The following MED16 variants were observed in gnomAD, a reference collection of about 807,000 sequenced individuals.
The protein encoded by MED16 is mediator complex subunit 16.
In MED16, 81 loss-of-function variants were observed where a neutral mutation model predicts 84.4. That is an observed-to-expected ratio of 0.96 (90% CI 0.80 to 1.15). MED16 has a LOEUF of 1.15. Among genes scored for constraint, MED16 ranks in the 50% most tolerant of loss-of-function variants. The probability of loss-of-function intolerance (pLI) is 0.00; values close to 1 mark genes in which losing one functional copy is unlikely to be tolerated. For missense variants in MED16, 1,585 were observed against 1,245.9 expected (o/e 1.27, Z -4.10); for synonymous variants, 897 against 552.2 (o/e 1.62, Z -8.76).
chr19:873,769 GC>G (rs151113242), intron 10 of MED16, among the ~76,000 whole-genome samples, 187 bp from the exon 11 acceptor site: 52 of 150,508 alleles, frequency 3.5e-4, no homozygotes, highest in African/African-American at 8.3e-4. Context: ...CCCACTGCCT[GC>G]CCCCCCCCGG....
In MED16 at chr19:868,763, A is replaced by G; in HGVS notation, c.2399+100T>C. On this transcript the variant is annotated intron_variant, in intron 14 of 15. Transcript: ENST00000325464. ...ACTCCCTCTGGGACGTGCTCCCTCC[A>G]CCACCCTTGACCGTCTGGAGCGCTG... The G allele has an allele frequency of 8.4e-6, 11 of 1,307,980 alleles. 1 individual carries two copies. In the Admixed American group the frequency reaches 1.2e-4, roughly 14 times the overall value. The allele number at this position is 1,307,980 out of a possible 1,614,324, so 81.0% of individuals were successfully genotyped here.
At chr19:889,150 G>A (rs1225591964) in intron 4 of MED16, among the ~76,000 whole-genome samples, 2 of 127,284 alleles carry the variant, frequency 1.6e-5, no homozygotes, top group Non-Finnish European at 3.2e-5. Context: ...ACTCTTAACT[G>A]TCCCCCCCAA....
At chr19:884,697 G>A (rs934809762) in intron 6 of MED16, among the ~76,000 whole-genome samples, 4 of 152,192 alleles carry the variant, frequency 2.6e-5, no homozygotes, top group African/African-American at 4.8e-5. Flanking sequence ...AAGGATGGAG[G>A]AGTCTATACG....
At chr19:888,497 C>G (rs1162243489) in intron 4 of MED16, among the ~76,000 whole-genome samples, 2 of 148,018 alleles carry the variant, frequency 1.4e-5, no homozygotes, top group Non-Finnish European at 3.0e-5. Context: ...GCACTCCAGC[C>G]TGGGGGATAG....
Position 873,001 on chromosome 19 carries a change from G to A in MED16, c.1905+448C>T, listed in dbSNP as rs191475289. The A allele has an allele frequency of 2.3e-3, 429 of 188,840 alleles. 21 individuals carry two copies. The highest frequency in any genetic ancestry group is 8.7e-3 in the Middle Eastern group (4 of 462). 11.7% of individuals were successfully genotyped at this position (188,840 alleles called of 1,614,324 possible). On this transcript the variant is annotated intron_variant, in intron 11 of 15. Transcript: ENST00000325464. ...CCGAGGTGGGGGAGGGCTCCGAGGT[G>A]GGGGAGGGCTCCGAGGTGGGGCAGG...
intron 9 of MED16, among the ~76,000 whole-genome samples, chr19:875,689 G>A (rs376148180): frequency 1.3e-5 from 2 of 152,192 alleles, no homozygotes; most frequent in African/African-American, 4.8e-5. Flanking sequence ...GGGGCCCCTG[G>A]TGATGTCTGG....
chr19:890,388 G>GGGAACAGGCTGTCCCCCCGCA, intron 2 of MED16, 144 bp from the exon 3 acceptor site: 1 of 584,266 alleles, frequency 1.7e-6, no homozygotes, highest in Non-Finnish European at 3.0e-6. Flanking sequence ...CGACAGCTCA[G>GGGAACAGGCTGTCCCCCCGCA]GGAACAGGCT....
chr19:875,573 G>C, intron 9 of MED16, 119 bp from the exon 10 acceptor site: 1 of 769,592 alleles, frequency 1.3e-6, no homozygotes, highest in Non-Finnish European at 2.1e-6. Context: ...TGGGCAAGCT[G>C]CTTCGCCTCT....
chr19:884,221 G>A (rs1353824451), intron 6 of MED16, among the ~76,000 whole-genome samples: 1 of 152,208 alleles, frequency 6.6e-6, no homozygotes, highest in East Asian at 1.9e-4. Context: ...CTAAAAACCA[G>A]GCCCGCAGCC....
chr19:890,630 G>GC (rs1285847474), intron 2 of MED16, among the ~76,000 whole-genome samples: 1 of 152,216 alleles, frequency 6.6e-6, no homozygotes, highest in Non-Finnish European at 1.5e-5. Context: ...GACGGGCACA[G>GC]CCACCACGCA....
At position 871,788 on chromosome 19, in the gene MED16, AGC is replaced by A. The variant is rs1452720373; in HGVS notation, c.2098+136_2098+137del. On this transcript the variant is annotated intron_variant, in intron 12 of 15. Coordinates refer to ENST00000325464, the MANE Select transcript of MED16 (RefSeq NM_005481.3). ...GGAGCGGGGAGAGGGGAGAGGGGAG[AGC>A]GGGGAGAAGGGAGAGCGGGGAGAGG... is the stretch of plus-strand genomic sequence containing the variant. 420 of 151,652 alleles carry A rather than the reference AGC, an allele frequency of 2.8e-3. 2 individuals are homozygous for A. The highest frequency in any genetic ancestry group is 8.1e-3 in the Middle Eastern group (4 of 496). The allele number at this position is 151,652 out of a possible 1,614,324, so 9.4% of individuals were successfully genotyped here. A position where few individuals can be genotyped will look rare whatever the true frequency, so the allele number is the denominator to read the frequency against.
At position 871,086 on chromosome 19, in the gene MED16, G is replaced by T; in HGVS notation, c.2266C>A (p.Pro756Thr). Residue 756 changes from proline (P) to threonine (T), a missense_variant, in exon 13 of 16, where the codon CCC becomes ACC. Transcript: ENST00000325464. The stretch of plus-strand genomic sequence containing the variant: ...GTGGCAGCACTGCCAGGCAGCGTGG[G>T]CGCCCGGCCAAACTGCAGACGAAGG... The part of the protein sequence containing the change: ...QPLRLQFGRA[P>T]TLPGSAATLQ... 1 of 1,547,880 alleles carries T rather than the reference G, an allele frequency of 6.5e-7. No homozygotes were observed.
In MED16 at chr19:872,632, G is replaced by A. The variant is rs557801498; in HGVS notation, c.1906-514C>T. ...GTGGGGCAGAAGAAATCACAGCTGG[G>A]GCAGGACAGAGTGTACCGGCGGGGG... is the stretch of plus-strand genomic sequence containing the variant. On this transcript the variant is annotated intron_variant, in intron 11 of 15. Coordinates refer to ENST00000325464, the MANE Select transcript of MED16 (RefSeq NM_005481.3). 5.3e-4 allele frequency among the ~76,000 whole-genome samples: 81 copies of A among 151,534 alleles called. 1 individual carries two copies. Among genetic ancestry groups the A allele is most frequent in the African/African-American group, 1.9e-3 (77 of 41,322 alleles).
At chr19:877,927 A>G (rs12985652) in intron 8 of MED16, among the ~76,000 whole-genome samples, 65 of 94,192 alleles carry the variant, frequency 6.9e-4, no homozygotes, top group African/African-American at 1.1e-3. Context: ...CCAGCAGCTC[A>G]CCTTCCCGTG....
chr19:884,919 C>T lies in MED16; in HGVS notation c.969G>A (p.Gln323=), dbSNP rs770257847. 6.2e-7 allele frequency: 1 copy of T among 1,608,808 alleles called. No individual in the cohort carries two copies. Among genetic ancestry groups the T allele is most frequent in the Non-Finnish European group, 8.5e-7 (1 of 1,179,016 alleles). ...GAGACTCACCCACGGGGGAGATCTG[C>T]TGGAAGATGTTGTTCACGGGGAGTC... ...KEGLPVNNIF[Q]QISPVVGDKQ... Residue 323 remains glutamine (Q), a synonymous_variant, in exon 6 of 16, where the codon CAG becomes CAA. Coordinates refer to ENST00000325464, the MANE Select transcript of MED16 (RefSeq NM_005481.3).
Position 876,910 on chromosome 19 carries a change from C to CCCCCACCTGCCAT in MED16, c.1560+63_1560+64insATGGCAGGTGGGG, listed in dbSNP as rs1568324620. 2.8e-4 allele frequency: 404 copies of CCCCCACCTGCCAT among 1,420,390 alleles called. 2 individuals carry two copies. Among genetic ancestry groups the CCCCCACCTGCCAT allele is most frequent in the Middle Eastern group, 2.2e-3 (9 of 4,008 alleles). The allele number at this position is 1,420,390 out of a possible 1,614,324, so 88.0% of individuals were successfully genotyped here. On this transcript the variant is annotated intron_variant, in intron 9 of 15. Coordinates refer to ENST00000325464, the MANE Select transcript of MED16 (RefSeq NM_005481.3). ...ACCTGCCACGGGGCCCCACCTGCCA[C>CCCCCACCTGCCAT]GGGGCCCCCACCTGCCACAGGGCCC...
intron 6 of MED16, among the ~76,000 whole-genome samples, chr19:882,404 G>A (rs1307775994): frequency 1.3e-5 from 2 of 150,424 alleles, no homozygotes; most frequent in Non-Finnish European, 3.0e-5. Context: ...GCACACGCCT[G>A]TAGTCCCAGC....
chr19:868,524 G>T (rs543620095), intron 14 of MED16, 25 bp from the exon 15 acceptor site: 34 of 1,605,890 alleles, frequency 2.1e-5, no homozygotes, highest in Non-Finnish European at 2.6e-5. Context: ...GCACTGAGCG[G>T]GTTCCCACTT....
rs1018091116 is a variant in MED16, at chr19:893,166, C to T, written c.-99G>A. 1 of 152,282 alleles carries T rather than the reference C, an allele frequency of 6.6e-6. No homozygotes were observed. The highest frequency in any genetic ancestry group is 1.5e-5 in the Non-Finnish European group (1 of 68,060). The allele number at this position is 152,282 out of a possible 1,614,324, so 9.4% of individuals were successfully genotyped here. ...GCCTCGGGTCTGGCGCCGCCATCTT[C>T]CTCGGTAACAACCAGTCGCCTGAGG... On this transcript the variant is annotated 5_prime_UTR_variant, in exon 1 of 16. Transcript: ENST00000325464.
Sources: gnomAD v4.1 joint callset for allele counts (sites outside exome capture counted in the v4.1 genomes callset) on GRCh38, gnomAD v4.1.1 for gene constraint, MANE v1.5 for transcripts, NCBI Gene and HGNC (gene_info 2026-07-23, HGNC 2026-07-21) for gene names.